ZMAT4: variants seen among roughly 807,000 people sequenced by gnomAD.
ZMAT4 encodes the protein zinc finger matrin-type 4.
Under a neutral mutation model 28.7 loss-of-function variants are expected in ZMAT4, and 17 were observed. The ratio of observed to expected loss-of-function variants is 0.59; its 90% CI spans 0.41 to 0.89. The LOEUF (loss-of-function observed/expected upper bound fraction) is 0.89. Among genes scored for constraint, ZMAT4 ranks in the 40% least tolerant of loss-of-function variants. The pLI, the probability that ZMAT4 is intolerant of heterozygous loss-of-function variation, is 0.00. For synonymous variants in ZMAT4, 117 were observed against 109.2 expected (o/e 1.07, Z -0.44); for missense variants, 240 against 283.8 (o/e 0.85, Z 1.11).
intron 2 of ZMAT4, among the ~76,000 whole-genome samples, chr8:40,812,679 C>T (rs1454948143): frequency 6.6e-6 from 1 of 152,082 alleles, no homozygotes; most frequent in Non-Finnish European, 1.5e-5. Context: ...GCCTGTAATC[C>T]CAGCACTTTG....
chr8:40,740,436 A>G (rs541368403), intron 3 of ZMAT4, among the ~76,000 whole-genome samples: 1 of 152,362 alleles, frequency 6.6e-6, no homozygotes, highest in Admixed American at 6.5e-5. Context: ...TTGAAATGCA[A>G]CCATCAAAAT....
At chr8:40,802,207 G>T (rs142043751) in intron 2 of ZMAT4, among the ~76,000 whole-genome samples, 3 of 152,132 alleles carry the variant, frequency 2.0e-5, no homozygotes, top group Non-Finnish European at 2.9e-5. Context: ...TTTCAGCATC[G>T]TACTGAAAGT....
In ZMAT4 at chr8:40,772,760, C is replaced by G. The variant is rs114600018; in HGVS notation, c.103-5030G>C. Among the ~76,000 whole-genome samples the G allele has an allele frequency of 8.2e-3, 1,245 of 152,312 alleles. 22 individuals are homozygous for G. The highest frequency in any genetic ancestry group is 0.029 in the African/African-American group (1,189 of 41,566). ...ATCTAATTATACCTCTTCTAGAAACCAGCTAAAATAAGCCGAGGACCTCAA... is the reference window on the plus strand; with the variant it reads ...ATCTAATTATACCTCTTCTAGAAACGAGCTAAAATAAGCCGAGGACCTCAA... On this transcript the variant is annotated intron_variant, in intron 2 of 6. Coordinates refer to ENST00000297737, the MANE Select transcript of ZMAT4 (RefSeq NM_024645.3).
chr8:40,744,899 A>G (rs1812155044), intron 3 of ZMAT4, among the ~76,000 whole-genome samples: 1 of 152,228 alleles, frequency 6.6e-6, no homozygotes, highest in Non-Finnish European at 1.5e-5. Flanking sequence ...TTAGGAGAAA[A>G]TGCACCAGCA....
chr8:40,818,642 A>C (rs182413617), intron 2 of ZMAT4, among the ~76,000 whole-genome samples: 13 of 152,334 alleles, frequency 8.5e-5, no homozygotes, highest in Admixed American at 7.8e-4. Flanking sequence ...GTCTTTACCC[A>C]GTTAGCACTT....
intron 6 of ZMAT4, among the ~76,000 whole-genome samples, chr8:40,554,144 G>A (rs187230301): frequency 2.5e-3 from 380 of 152,194 alleles, no homozygotes; most frequent in Non-Finnish European, 4.3e-3. Flanking sequence ...AAGCTGACAC[G>A]TTATAAGGTG....
At chr8:40,785,840 T>C (rs759990314) in intron 2 of ZMAT4, among the ~76,000 whole-genome samples, 2 of 152,184 alleles carry the variant, frequency 1.3e-5, no homozygotes, top group African/African-American at 2.4e-5. Context: ...CATCTGCTCT[T>C]AGCTAGATTT....
chr8:40,636,615 G>A (rs1806800823), intron 5 of ZMAT4, among the ~76,000 whole-genome samples: 1 of 152,192 alleles, frequency 6.6e-6, no homozygotes, highest in Non-Finnish European at 1.5e-5. Context: ...TCAGAGGAGA[G>A]AAACAGGGTG....
At chr8:40,595,325 C>G (rs1443499480) in intron 5 of ZMAT4, among the ~76,000 whole-genome samples, 1 of 152,136 alleles carries the variant, frequency 6.6e-6, no homozygotes, top group African/African-American at 2.4e-5. Flanking sequence ...AGTATACACA[C>G]ATACATACAC....
At chr8:40,652,780 G>A (rs1262643425) in intron 5 of ZMAT4, among the ~76,000 whole-genome samples, 1 of 135,234 alleles carries the variant, frequency 7.4e-6, no homozygotes, top group Non-Finnish European at 1.6e-5. Flanking sequence ...CATGTCCTTT[G>A]TAGGGACATG....
intron 1 of ZMAT4, among the ~76,000 whole-genome samples, chr8:40,835,372 A>G (rs1221688733): frequency 6.6e-6 from 1 of 152,174 alleles, no homozygotes; most frequent in Non-Finnish European, 1.5e-5. Context: ...AAAGCCACTC[A>G]CATTTTAAAG....
At chr8:40,846,229 A>G (rs568938593) in intron 1 of ZMAT4, among the ~76,000 whole-genome samples, 1 of 152,280 alleles carries the variant, frequency 6.6e-6, no homozygotes, top group East Asian at 1.9e-4. Context: ...TCTTATATAT[A>G]ACCTTTTACA....
At chr8:40,543,697 G>A (rs1235632229) in intron 6 of ZMAT4, among the ~76,000 whole-genome samples, 2 of 152,282 alleles carry the variant, frequency 1.3e-5, no homozygotes, top group East Asian at 3.9e-4. Context: ...TGAGTGAAAG[G>A]AAGCCCTTTA....
intron 6 of ZMAT4, among the ~76,000 whole-genome samples, chr8:40,566,671 C>G (rs1372954625): frequency 6.6e-6 from 1 of 152,122 alleles, no homozygotes; most frequent in Non-Finnish European, 1.5e-5. Context: ...CTCCCCCCTA[C>G]TCAGTTGCCT....
chr8:40,655,498 A>T (rs1807875250), intron 5 of ZMAT4, among the ~76,000 whole-genome samples: 1 of 151,952 alleles, frequency 6.6e-6, no homozygotes, highest in South Asian at 2.1e-4. Context: ...ACACCAAAAA[A>T]GTCTGGAAAA....
chr8:40,606,238 G>A (rs1805575189), intron 5 of ZMAT4, among the ~76,000 whole-genome samples: 1 of 152,118 alleles, frequency 6.6e-6, no homozygotes, highest in South Asian at 2.1e-4. Context: ...TGAATACTTT[G>A]TTTTTTCCTT....
At position 40,793,260 on chromosome 8, in the gene ZMAT4, A is replaced by T. The variant is rs576797210; in HGVS notation, c.103-25530T>A. 6.1e-4 allele frequency among the ~76,000 whole-genome samples: 93 copies of T among 152,360 alleles called. 1 individual carries two copies. Among genetic ancestry groups the T allele is most frequent in the African/African-American group, 2.2e-3 (91 of 41,588 alleles). The stretch of plus-strand genomic sequence containing the variant: ...AACTGAGCACAAAAATAAGTCTGTG[A>T]ATTTAAAAATACAGAAACAAAAAAC... On this transcript the variant is annotated intron_variant, in intron 2 of 6. Coordinates refer to ENST00000297737, the MANE Select transcript of ZMAT4 (RefSeq NM_024645.3).
chr8:40,752,800 C>T (rs1476474906), intron 3 of ZMAT4, among the ~76,000 whole-genome samples: 1 of 152,182 alleles, frequency 6.6e-6, no homozygotes, highest in African/African-American at 2.4e-5. Flanking sequence ...GCTCTTCTTA[C>T]CTGAGTCCAC....
chr8:40,668,300 T>G (rs1171283359), intron 5 of ZMAT4, among the ~76,000 whole-genome samples: 2 of 151,542 alleles, frequency 1.3e-5, no homozygotes, highest in Admixed American at 6.6e-5. Context: ...GGAAACCCCA[T>G]CTCTACTAAA....
Sources: gnomAD v4.1 joint callset for allele counts (sites outside exome capture counted in the v4.1 genomes callset) on GRCh38, gnomAD v4.1.1 for gene constraint, MANE v1.5 for transcripts, NCBI Gene and HGNC (gene_info 2026-07-23, HGNC 2026-07-21) for gene names.